The following ACACA variants were observed in gnomAD, a reference collection of about 807,000 sequenced individuals.
ACACA encodes acetyl-CoA carboxylase 1.
In ACACA, 103 loss-of-function variants were observed where a neutral mutation model predicts 296.1. The observed-to-expected ratio is 0.35, with a 90% confidence interval of 0.30 to 0.41. The LOEUF is 0.41. ACACA is among the 10% of genes least tolerant of loss of function. ACACA has a pLI of 1.00. For missense variants in ACACA, 1,554 were observed against 2,989.7 expected (o/e 0.52, Z 11.20); for synonymous variants, 953 against 1,038.6 (o/e 0.92, Z 1.58).
chr17:37,263,082 T>A (rs1219100509), intron 11 of ACACA, among the ~76,000 whole-genome samples: 1 of 152,144 alleles, frequency 6.6e-6, no homozygotes, highest in African/African-American at 2.4e-5. Flanking sequence ...GAGTACATCC[T>A]AATATATACA....
At chr17:37,195,469 C>T (rs962269489) in intron 35 of ACACA, among the ~76,000 whole-genome samples, 1 of 152,008 alleles carries the variant, frequency 6.6e-6, no homozygotes. Context: ...ATTAGAAAAA[C>T]CACTTTCATT....
Position 37,233,779 on chromosome 17 carries a change from G to A in ACACA, c.3246+1196C>T, listed in dbSNP as rs561697224. 3.3e-5 allele frequency among the ~76,000 whole-genome samples: 5 copies of A among 152,252 alleles called. No individual in the cohort carries two copies. In the South Asian group the frequency reaches 8.3e-4, roughly 25 times the overall value. On this transcript the variant is annotated intron_variant, in intron 25 of 55. Transcript: ENST00000616317. ...CCATAGATTGTATCATTTCTTAGCT[G>A]AAACCTGTCACTTGGGGGAAGTTGA...
intron 1 of ACACA, among the ~76,000 whole-genome samples, chr17:37,381,659 G>A (rs1400680720): frequency 1.6e-4 from 19 of 120,642 alleles, no homozygotes; most frequent in African/African-American, 4.9e-4. Context: ...ACAGAGTCTC[G>A]CTCCGTTGCC....
chr17:37,127,156 T>C (rs2074828684), intron 47 of ACACA, among the ~76,000 whole-genome samples: 1 of 152,206 alleles, frequency 6.6e-6, no homozygotes, highest in African/African-American at 2.4e-5. Context: ...GCCAGGATAA[T>C]GCCCACCTAC....
At chr17:37,152,604 G>T (rs1266349361) in intron 43 of ACACA, among the ~76,000 whole-genome samples, 2 of 152,164 alleles carry the variant, frequency 1.3e-5, no homozygotes, top group African/African-American at 4.8e-5. Flanking sequence ...AGCATCCTGT[G>T]GATCTAGTGG....
intron 1 of ACACA, among the ~76,000 whole-genome samples, chr17:37,349,446 AGATAT>A (rs1001014368): frequency 3.9e-4 from 58 of 148,116 alleles, no homozygotes; most frequent in Non-Finnish European, 6.5e-4. Context: ...CATATAGATA[AGATAT>A]ATCTTACATA....
At position 37,089,005 on chromosome 17, in the gene ACACA, C is replaced by G. The variant is rs1338525913; in HGVS notation, c.6961G>C (p.Val2321Leu). 1 of 1,614,080 alleles carries G rather than the reference C, an allele frequency of 6.2e-7. No homozygotes were observed. Among genetic ancestry groups the G allele is most frequent in the Non-Finnish European group, 8.5e-7 (1 of 1,180,054 alleles). Residue 2321 changes from valine to leucine, a missense_variant, in exon 55 of 56, where the codon GTT (valine) becomes CTT (leucine). Val to Leu is a conservative substitution (Grantham distance 32). Coordinates refer to ENST00000616317, the MANE Select transcript of ACACA (RefSeq NM_198834.3). ...LEKQLTEEDG[V>L]HSVIEENIKC... ...ATGTTTTCCTCTATTACCGAGTGAA[C>G]ACCATCCTCCTCTGTCAGCTGTTTC...
chr17:37,377,823 T>G (rs1341331339), intron 1 of ACACA: 26 of 1,415,310 alleles, frequency 1.8e-5, no homozygotes, highest in Non-Finnish European at 2.4e-5. Context: ...ACCAGTAAAT[T>G]CTGATTTTCC....
rs569089658 is a variant in ACACA, at chr17:37,109,396, T to G, written c.6565+2135A>C. ...TCCTCATATTAGCTAGGCAGAGGTG[T>G]GATCTCCACTTTATGGTTGGAAAAA... On this transcript the variant is annotated intron_variant, in intron 52 of 55. Coordinates refer to ENST00000616317, the MANE Select transcript of ACACA (RefSeq NM_198834.3). Among the ~76,000 whole-genome samples the G allele has an allele frequency of 4.6e-5, 7 of 152,318 alleles. No individual in the cohort carries two copies. The South Asian group carries it at 1.5e-3, about 32-fold the overall frequency.
At chr17:37,116,151 C>T (rs1203182387) in intron 50 of ACACA, among the ~76,000 whole-genome samples, 1 of 151,972 alleles carries the variant, frequency 6.6e-6, no homozygotes, top group Admixed American at 6.6e-5. Flanking sequence ...TGCCACCATG[C>T]GCAGCTAATT....
At chr17:37,202,469 C>A (rs540043881) in intron 33 of ACACA, among the ~76,000 whole-genome samples, 17 of 151,058 alleles carry the variant, frequency 1.1e-4, no homozygotes, top group African/African-American at 3.6e-4. Context: ...ATCCTAATTT[C>A]TATGAGAGAA....
intron 8 of ACACA, among the ~76,000 whole-genome samples, chr17:37,275,230 G>A (rs1244133584): frequency 1.3e-5 from 2 of 152,146 alleles, no homozygotes; most frequent in African/African-American, 4.8e-5. Flanking sequence ...AGGCGCGGTG[G>A]CTCATGCCTG....
chr17:37,130,318 CA>C, intron 45 of ACACA, 100 bp from the exon 46 acceptor site: 1 of 1,412,266 alleles, frequency 7.1e-7, no homozygotes, highest in Non-Finnish European at 1.0e-6. Context: ...CTCCACAAAA[CA>C]GAGATTTCAG....
chr17:37,389,738 G>A (rs2050709883), intron 1 of ACACA, among the ~76,000 whole-genome samples: 2 of 151,724 alleles, frequency 1.3e-5, no homozygotes, highest in African/African-American at 4.8e-5. Flanking sequence ...TAATATATAA[G>A]TGCTAGGAGA....
chr17:37,088,033 G>A (rs898722692), intron 55 of ACACA, among the ~76,000 whole-genome samples: 17 of 152,136 alleles, frequency 1.1e-4, no homozygotes, highest in South Asian at 2.1e-4. Flanking sequence ...CTTGACCAGC[G>A]GATGAAATTA....
chr17:37,324,157 G>T (rs1010157871), intron 3 of ACACA, among the ~76,000 whole-genome samples: 3 of 151,968 alleles, frequency 2.0e-5, no homozygotes, highest in African/African-American at 7.3e-5. Flanking sequence ...ACCTGAGGTC[G>T]GGAATTCAAG....
intron 41 of ACACA, among the ~76,000 whole-genome samples, chr17:37,167,119 ATTTTTTT>A (rs11290127): frequency 2.7e-4 from 27 of 101,322 alleles, no homozygotes; most frequent in African/African-American, 7.8e-4. Flanking sequence ...TAATTTTTGC[ATTTTTTT>A]TTTTTTTTTT....
chr17:37,216,685 T>C (rs1342843870), intron 29 of ACACA, among the ~76,000 whole-genome samples: 16 of 151,958 alleles, frequency 1.1e-4, no homozygotes. Context: ...ACTGTTCAAG[T>C]GTGCTAAAAA....
In ACACA at chr17:37,207,662, A is replaced by G; in HGVS notation, c.3846T>C (p.Phe1282=). ...ATAGTTCCACAATGTCTTACCTGACAAAATCTTCAAAAGTCCGAAAAGAGA... is the reference window on the plus strand; with the variant it reads ...ATAGTTCCACAATGTCTTACCTGACGAAATCTTCAAAAGTCCGAAAAGAGA... ...GMVSFRTFED[F]VRIFDEVMGC... is the part of the protein sequence containing the mutation. The change falls in exon 31 of 56, where the codon TTT becomes TTC. Residue 1282 remains phenylalanine (F), a synonymous_variant. Transcript: ENST00000616317. The G allele has an allele frequency of 6.2e-7, 1 of 1,613,970 alleles. No individual in the cohort carries two copies. Among genetic ancestry groups the G allele is most frequent in the South Asian group, 1.1e-5 (1 of 91,068 alleles).
Sources: gnomAD v4.1 joint callset for allele counts (sites outside exome capture counted in the v4.1 genomes callset) on GRCh38, gnomAD v4.1.1 for gene constraint, MANE v1.5 for transcripts, NCBI Gene and HGNC (gene_info 2026-07-23, HGNC 2026-07-21) for gene names.